ELP3: variants seen among roughly 807,000 people sequenced by gnomAD.
The protein encoded by ELP3 is elongator complex protein 3.
ELP3 carries 56 observed loss-of-function variants against 74.9 expected under a neutral mutation model. That is an observed-to-expected ratio of 0.75 (90% confidence interval 0.60 to 0.93). The LOEUF (loss-of-function observed/expected upper bound fraction) is 0.93. Among genes scored for constraint, ELP3 ranks in the 40% least tolerant of loss-of-function variants. The probability of loss-of-function intolerance (pLI) is 0.00; values close to 1 mark genes in which losing one functional copy is unlikely to be tolerated. For missense variants in ELP3, 573 were observed against 686.5 expected (o/e 0.83, Z 1.85); for synonymous variants, 222 against 239.8 (o/e 0.93, Z 0.68).
At chr8:28,180,141 T>C (rs909576480) in intron 14 of ELP3, among the ~76,000 whole-genome samples, 12 of 152,216 alleles carry the variant, frequency 7.9e-5, no homozygotes, top group African/African-American at 2.9e-4. Flanking sequence ...TTGGGCTTCC[T>C]TGGGCTTCTT....
At chr8:28,106,838 C>A in intron 4 of ELP3, 55 bp downstream of exon 4, 1 of 1,303,872 alleles carries the variant, frequency 7.7e-7, no homozygotes, top group African/African-American at 1.5e-5. Flanking sequence ...GCTAAATATG[C>A]CCCCTCTAGC....
chr8:28,114,047 A>G (rs1448656733), intron 7 of ELP3, among the ~76,000 whole-genome samples: 1 of 152,100 alleles, frequency 6.6e-6, no homozygotes, highest in Non-Finnish European at 1.5e-5. Context: ...TGATTTAAGA[A>G]GTGAAAGTCT....
intron 3 of ELP3, among the ~76,000 whole-genome samples, 160 bp downstream of exon 3, chr8:28,100,126 T>C (rs577797446): frequency 1.1e-4 from 17 of 152,240 alleles, no homozygotes; most frequent in Admixed American, 3.3e-4. Flanking sequence ...CTGTGCTGAA[T>C]GCAAGGAGAG....
chr8:28,182,215 T>C (rs1815041794), intron 14 of ELP3, among the ~76,000 whole-genome samples: 2 of 152,148 alleles, frequency 1.3e-5, no homozygotes, highest in Non-Finnish European at 2.9e-5. Flanking sequence ...CTCCCCACTC[T>C]TTCCCCTACA....
rs1042418105 is a variant in ELP3 at position 28,189,981 on chromosome 8, A to G, written c.*256A>G. 22 of 391,684 alleles carry G rather than the reference A, an allele frequency of 5.6e-5. No homozygotes were observed. Among genetic ancestry groups the G allele is most frequent in the African/African-American group, 3.5e-4 (17 of 48,926 alleles). The allele number at this position is 391,684 out of a possible 1,614,324, so 24.3% of individuals were successfully genotyped here. On this transcript the variant is annotated 3_prime_UTR_variant, in exon 15 of 15. Coordinates refer to ENST00000256398, the MANE Select transcript of ELP3 (RefSeq NM_018091.6). ...GGCTTAAATCATCTATCCAGTTTCT[A>G]CATTTTGCATGAGGCCTGCAGGTGG...
intron 10 of ELP3, among the ~76,000 whole-genome samples, chr8:28,141,454 A>G (rs984917308): frequency 3.3e-5 from 5 of 152,178 alleles, no homozygotes; most frequent in Admixed American, 1.3e-4. Context: ...ATTAAATACA[A>G]TGTTCTGAAC....
intron 10 of ELP3, among the ~76,000 whole-genome samples, chr8:28,140,408 T>G (rs1490068536): frequency 6.6e-6 from 1 of 152,182 alleles, no homozygotes. Flanking sequence ...TATACCAATA[T>G]TCCTAATTAA....
In ELP3 at chr8:28,137,711, AC is replaced by A. The variant is rs750724530; in HGVS notation, c.923del (p.Pro308LeufsTer8). 5.5e-5 allele frequency: 89 copies of A among 1,612,102 alleles called. No individual in the cohort carries two copies. The highest frequency in any genetic ancestry group is 7.0e-5 in the Non-Finnish European group (83 of 1,179,530). ...DIEQFTEFFE[N>X]PAFRPDGLKL... ...CTCTATTCACAGGAGTTTTTTGAGA[AC>A]CCTGCTTTTCGTCCCGATGGGCTGA... On this transcript the variant is annotated frameshift_variant, in exon 10 of 15. Coordinates refer to ENST00000256398, the MANE Select transcript of ELP3 (RefSeq NM_018091.6). LOFTEE classifies it high-confidence loss of function.
chr8:28,140,114 TTGTGTG>T (rs56981709), intron 10 of ELP3, among the ~76,000 whole-genome samples: 49,661 of 143,630 alleles, frequency 0.35, 9,073 homozygotes, highest in East Asian at 0.78. Context: ...TGTACATATT[TTGTGTG>T]TGTGTGTGTG....
chr8:28,155,901 T>G, intron 10 of ELP3, 41 bp from the exon 11 acceptor site: 1 of 1,521,714 alleles, frequency 6.6e-7, no homozygotes, highest in Non-Finnish European at 9.1e-7. Flanking sequence ...TGGAGAATGA[T>G]TTCTATTTTG....
intron 14 of ELP3, among the ~76,000 whole-genome samples, chr8:28,175,883 C>T (rs151221821): frequency 0.01 from 1,375 of 133,788 alleles, 14 homozygotes; most frequent in Non-Finnish European, 0.014. Context: ...GGCATGATCT[C>T]GGCTCACTGC....
At chr8:28,140,166 T>C (rs1813180539) in intron 10 of ELP3, among the ~76,000 whole-genome samples, 1 of 150,588 alleles carries the variant, frequency 6.6e-6, no homozygotes, top group African/African-American at 2.5e-5. Flanking sequence ...TTTATAGCAA[T>C]CAGTGTACTT....
chr8:28,143,157 C>T (rs911780284), intron 10 of ELP3, among the ~76,000 whole-genome samples: 5 of 152,178 alleles, frequency 3.3e-5, no homozygotes, highest in African/African-American at 1.2e-4. Context: ...AAATTTTAGA[C>T]TAGGCATATG....
intron 14 of ELP3, among the ~76,000 whole-genome samples, chr8:28,182,008 A>T (rs1815030754): frequency 6.6e-6 from 1 of 152,206 alleles, no homozygotes; most frequent in Non-Finnish European, 1.5e-5. Flanking sequence ...CAAGCTAGGT[A>T]GCACTTAGGT....
intron 2 of ELP3, among the ~76,000 whole-genome samples, chr8:28,098,305 A>G (rs1219050627): frequency 6.6e-6 from 1 of 152,092 alleles, no homozygotes; most frequent in East Asian, 1.9e-4. Context: ...ACATACAGGA[A>G]TGACCTTTTC....
At chr8:28,101,411 C>T (rs1339460349) in intron 3 of ELP3, among the ~76,000 whole-genome samples, 1 of 152,076 alleles carries the variant, frequency 6.6e-6, no homozygotes, top group Non-Finnish European at 1.5e-5. Context: ...AAAAGCGAGA[C>T]TCCATCTCAA....
intron 6 of ELP3, 179 bp from the exon 7 acceptor site, chr8:28,112,840 A>G (rs1461652915): frequency 2.3e-6 from 1 of 438,068 alleles, no homozygotes; most frequent in East Asian, 3.6e-5. Context: ...AGTTGTACTC[A>G]CTTTTTTCTT....
intron 10 of ELP3, among the ~76,000 whole-genome samples, chr8:28,144,484 G>T (rs891090165): frequency 6.6e-6 from 1 of 152,222 alleles, no homozygotes; most frequent in East Asian, 1.9e-4. Flanking sequence ...GCCAGATGAG[G>T]TGGCACATGC....
At chr8:28,139,670 C>T (rs1012112693) in intron 10 of ELP3, among the ~76,000 whole-genome samples, 6 of 152,118 alleles carry the variant, frequency 3.9e-5, no homozygotes, top group Non-Finnish European at 8.8e-5. Context: ...AGAGGCCAGG[C>T]GTGGTGGCTC....
Sources: gnomAD v4.1 joint callset for allele counts (sites outside exome capture counted in the v4.1 genomes callset) on GRCh38, gnomAD v4.1.1 for gene constraint, MANE v1.5 for transcripts, NCBI Gene and HGNC (gene_info 2026-07-23, HGNC 2026-07-21) for gene names.